The following PCDHA5 variants were observed in gnomAD, a reference collection of about 807,000 sequenced individuals.
PCDHA5 encodes the protein protocadherin alpha-5.
Under a neutral mutation model 61.6 loss-of-function variants are expected in PCDHA5, and 43 were observed. The observed-to-expected ratio is 0.70, with a 90% CI of 0.55 to 0.90. PCDHA5 has a LOEUF of 0.90. Among genes scored for constraint, PCDHA5 ranks in the 40% least tolerant of loss-of-function variants. The pLI, the probability that PCDHA5 is intolerant of heterozygous loss-of-function variation, is 0.00. For synonymous variants in PCDHA5, 627 were observed against 543.9 expected (o/e 1.15, Z -2.13); for missense variants, 1,298 against 1,222.7 (o/e 1.06, Z -0.92).
chr5:140,878,027 G>C, intron 1 of PCDHA5: 1 of 699,256 alleles, frequency 1.4e-6, no homozygotes, highest in Non-Finnish European at 2.1e-6. Flanking sequence ...GAAATATGTA[G>C]GTACAATGGA....
rs1465099022 is a variant in PCDHA5 at position 140,850,419 on chromosome 5, G to T, written c.2352+26292G>T. 7.5e-6 allele frequency: 12 copies of T among 1,597,838 alleles called. 2 individuals carry two copies. Among genetic ancestry groups the T allele is most frequent in the Non-Finnish European group, 9.4e-6 (11 of 1,167,742 alleles). On this transcript the variant is annotated intron_variant, in intron 1 of 3. Coordinates refer to ENST00000529859, the MANE Select transcript of PCDHA5 (RefSeq NM_018908.3). ...AACGCGTGCCCTGGACGAAACGGAC[G>T]CACCGCGCCAGCGCCTACTGGTGCT...
rs140322145 is a variant in PCDHA5, at chr5:140,968,725, T to C, written c.2353-10224T>C. ...CCAGGAAGATGGGAGATGAGAGTGG[T>C]AGCACTTTCAACCTGACCGTGGTGG... On this transcript the variant is annotated intron_variant, in intron 1 of 3. Coordinates refer to ENST00000529859, the MANE Select transcript of PCDHA5 (RefSeq NM_018908.3). 3.1e-6 allele frequency: 5 copies of C among 1,613,932 alleles called. No individual in the cohort carries two copies. In the African/African-American group the frequency reaches 6.7e-5, roughly 22 times the overall value.
In PCDHA5 at chr5:140,841,673, C is replaced by T; in HGVS notation, c.2352+17546C>T. On this transcript the variant is annotated intron_variant, in intron 1 of 3. Transcript: ENST00000529859. ...CGTGGACAGGCCGCTGCAGGTTTTCCATGTGGACGTGGAGGTGAAGGATGT... is the reference window on the plus strand; with the variant it reads ...CGTGGACAGGCCGCTGCAGGTTTTCTATGTGGACGTGGAGGTGAAGGATGT... 1.2e-6 allele frequency: 2 copies of T among 1,614,024 alleles called. No individual in the cohort carries two copies. The highest frequency in any genetic ancestry group is 1.7e-6 in the Non-Finnish European group (2 of 1,179,944).
chr5:140,834,539 G>A (rs1489443393), intron 1 of PCDHA5: 2 of 1,613,968 alleles, frequency 1.2e-6, no homozygotes, highest in Non-Finnish European at 1.7e-6. Flanking sequence ...CGCAGGACCT[G>A]GGGCTGGAGC....
At chr5:140,834,300 C>T (rs111598234) in intron 1 of PCDHA5, 1 of 1,283,798 alleles carries the variant, frequency 7.8e-7, no homozygotes, top group Non-Finnish European at 1.1e-6. Context: ...GGCCACACAT[C>T]GAGATTGAAA....
At chr5:140,843,026 C>T in intron 1 of PCDHA5, 2 of 1,595,146 alleles carry the variant, frequency 1.3e-6, no homozygotes, top group Non-Finnish European at 1.7e-6. Context: ...GCTGGAGCCT[C>T]GGGTGGGTGG....
At chr5:140,830,278 G>A (rs1364001637) in intron 1 of PCDHA5, 3 of 1,613,714 alleles carry the variant, frequency 1.9e-6, no homozygotes, top group African/African-American at 1.3e-5. Context: ...CACCCACCGA[G>A]GGCGCGTGCA....
chr5:140,955,175 A>G (rs1212192227), intron 1 of PCDHA5, among the ~76,000 whole-genome samples: 1 of 152,058 alleles, frequency 6.6e-6, no homozygotes, highest in Non-Finnish European at 1.5e-5. Flanking sequence ...TGGTTACTGT[A>G]GTTTTGTGGT....
chr5:140,929,291 A>G (rs782335969), intron 1 of PCDHA5: 19 of 1,596,972 alleles, frequency 1.2e-5, no homozygotes, highest in Non-Finnish European at 1.6e-5. Flanking sequence ...CAGATTCGGA[A>G]TAGGAAAGGG....
chr5:140,933,300 A>G (rs541308392), intron 1 of PCDHA5, among the ~76,000 whole-genome samples: 41 of 152,132 alleles, frequency 2.7e-4, no homozygotes, highest in African/African-American at 9.4e-4. Context: ...ATCTGGAAAT[A>G]AATATGCAAT....
chr5:140,958,495 C>T (rs559117374), intron 1 of PCDHA5, among the ~76,000 whole-genome samples: 1 of 152,138 alleles, frequency 6.6e-6, no homozygotes, highest in African/African-American at 2.4e-5. Context: ...TCCACATATC[C>T]TAGGAGGCAT....
chr5:141,002,273 AC>A (rs748746747), intron 3 of PCDHA5, among the ~76,000 whole-genome samples: 69 of 152,308 alleles, frequency 4.5e-4, no homozygotes, highest in Non-Finnish European at 9.1e-4. Flanking sequence ...AGAGCTGGTA[AC>A]AAAGGGATGA....
intron 1 of PCDHA5, chr5:140,884,380 C>T (rs1281344307): frequency 6.2e-7 from 1 of 1,613,980 alleles, no homozygotes; most frequent in Non-Finnish European, 8.5e-7. Context: ...TCATTGCCAT[C>T]TGCGCGGTGT....
At chr5:141,006,445 C>T (rs1202981865) in intron 3 of PCDHA5, among the ~76,000 whole-genome samples, 2 of 152,062 alleles carry the variant, frequency 1.3e-5, no homozygotes, top group Non-Finnish European at 2.9e-5. Context: ...AATCTCCTGA[C>T]CTCGAGATCT....
chr5:140,982,666 T>G (rs2096995489), intron 3 of PCDHA5, 103 bp downstream of exon 3: 4 of 1,467,448 alleles, frequency 2.7e-6, no homozygotes. Context: ...TTCTTTTATA[T>G]TTTTGTTATT....
At chr5:140,832,383 C>T (rs1771959365) in intron 1 of PCDHA5, among the ~76,000 whole-genome samples, 1 of 152,184 alleles carries the variant, frequency 6.6e-6, no homozygotes, top group Non-Finnish European at 1.5e-5. Context: ...CTTGAAATGG[C>T]AGAAACTGGT....
intron 1 of PCDHA5, chr5:140,849,736 AC>A: frequency 1.3e-6 from 2 of 1,598,292 alleles, no homozygotes; most frequent in Non-Finnish European, 1.7e-6. Flanking sequence ...AGAGCTCTGG[AC>A]CGCGAGAGTG....
At chr5:140,909,634 T>G (rs2074616296) in intron 1 of PCDHA5, among the ~76,000 whole-genome samples, 1 of 152,176 alleles carries the variant, frequency 6.6e-6, no homozygotes, top group Non-Finnish European at 1.5e-5. Flanking sequence ...GTCTTCCTAT[T>G]TTGTCTTTTC....
chr5:140,897,885 C>G (rs1554187646), intron 1 of PCDHA5, among the ~76,000 whole-genome samples: 1 of 152,182 alleles, frequency 6.6e-6, no homozygotes, highest in Non-Finnish European at 1.5e-5. Context: ...GCCATTCTAA[C>G]TGGTGTGAGA....
Sources: allele counts gnomAD v4.1 joint callset (sites outside exome capture counted in the v4.1 genomes callset), GRCh38; gene constraint gnomAD v4.1.1; transcripts MANE v1.5; gene names NCBI Gene and HGNC (gene_info 2026-07-23, HGNC 2026-07-21).